STPG2: variants seen among roughly 807,000 people sequenced by gnomAD.
STPG2 encodes the protein sperm-tail PG-rich repeat-containing protein 2.
A neutral mutation model predicts 54.2 loss-of-function variants in STPG2; 56 were observed. That is an observed-to-expected ratio of 1.03 (90% CI 0.83 to 1.29). STPG2 has a LOEUF of 1.29. Ranked by LOEUF, STPG2 falls within the 50% of genes most tolerant of loss-of-function variation. The pLI is 0.00. For missense variants in STPG2, 596 were observed against 544.9 expected (o/e 1.09, Z -0.93); for synonymous variants, 200 against 181.8 (o/e 1.10, Z -0.81).
At chr4:97,494,401 G>C (rs1159877835) in intron 4 of STPG2, among the ~76,000 whole-genome samples, 1 of 151,422 alleles carries the variant, frequency 6.6e-6, no homozygotes, top group East Asian at 2.0e-4. Context: ...TCAAAGAACT[G>C]AACTCACAAA....
chr4:97,953,977 G>C (rs1475082623), intron 7 of STPG2, among the ~76,000 whole-genome samples: 1 of 152,126 alleles, frequency 6.6e-6, no homozygotes, highest in African/African-American at 2.4e-5. Flanking sequence ...TTGGAAAAAA[G>C]AAACTACAAT....
chr4:97,939,123 T>C (rs1265915110), intron 8 of STPG2, among the ~76,000 whole-genome samples: 1 of 152,180 alleles, frequency 6.6e-6, no homozygotes, highest in Non-Finnish European at 1.5e-5. Context: ...TGATTTTGAG[T>C]GATTTTTTTA....
At chr4:97,562,598 T>C (rs1560661417) in intron 10 of STPG2, among the ~76,000 whole-genome samples, 1 of 152,218 alleles carries the variant, frequency 6.6e-6, no homozygotes, top group Non-Finnish European at 1.5e-5. Context: ...TAGCTGTTAT[T>C]ATTTTGAGAT....
chr4:97,865,602 C>CA (rs1178670937), intron 8 of STPG2, among the ~76,000 whole-genome samples: 4 of 149,582 alleles, frequency 2.7e-5, no homozygotes, highest in East Asian at 2.0e-4. Context: ...ATACCCAGGA[C>CA]AAAAAACCAA....
At chr4:97,729,976 T>C (rs1225894303) in intron 9 of STPG2, among the ~76,000 whole-genome samples, 1 of 152,228 alleles carries the variant, frequency 6.6e-6, no homozygotes. Context: ...TTCTCAGAGT[T>C]CCTTGGTGAA....
At chr4:98,105,535 G>A (rs2110140377) in intron 5 of STPG2, among the ~76,000 whole-genome samples, 1 of 152,230 alleles carries the variant, frequency 6.6e-6, no homozygotes, top group Admixed American at 6.5e-5. Context: ...TAACAGAAAT[G>A]GGACTGGGTC....
At chr4:97,462,585 T>C (rs1160127749) in intron 4 of STPG2, among the ~76,000 whole-genome samples, 2 of 152,072 alleles carry the variant, frequency 1.3e-5, no homozygotes, top group Non-Finnish European at 2.9e-5. Context: ...TTGTCAATAA[T>C]TTTTTGTAGT....
intron 10 of STPG2, among the ~76,000 whole-genome samples, chr4:97,616,529 T>TG (rs1733878311): frequency 6.6e-6 from 1 of 152,146 alleles, no homozygotes; most frequent in African/African-American, 2.4e-5. Flanking sequence ...AACATTCTCT[T>TG]GGAGACTAGG....
chr4:97,443,672 G>A (rs1167195038), intron 4 of STPG2, among the ~76,000 whole-genome samples: 4 of 152,050 alleles, frequency 2.6e-5, no homozygotes, highest in African/African-American at 9.7e-5. Flanking sequence ...ATCCCACACT[G>A]GAAAAGTAGG....
rs183771414 is a variant in STPG2 at position 97,520,439 on chromosome 4, G to A, written c.462+192260C>T. Among the ~76,000 whole-genome samples, 632 of 152,140 alleles carry A rather than the reference G, an allele frequency of 4.2e-3. 3 individuals are homozygous for A. Among genetic ancestry groups the A allele is most frequent in the South Asian group, 0.02 (98 of 4,828 alleles). ...GTACCAGTCTCTACTTGTGAACTCT[G>A]TATGATTAAGTGAACAAGTCAGAAA... On this transcript the variant is annotated intron_variant, in intron 4 of 4. Transcript: ENST00000522676.
At chr4:97,477,213 T>C (rs1436928935) in intron 4 of STPG2, among the ~76,000 whole-genome samples, 2 of 152,208 alleles carry the variant, frequency 1.3e-5, no homozygotes, top group African/African-American at 2.4e-5. Context: ...GTAGCTTATA[T>C]AGTAACTGTC....
intron 8 of STPG2, among the ~76,000 whole-genome samples, chr4:97,873,607 CAT>C (rs2149157491): frequency 6.8e-6 from 1 of 148,054 alleles, no homozygotes; most frequent in East Asian, 2.0e-4. Flanking sequence ...GAAGAAACAA[CAT>C]GTCAATGTGT....
chr4:97,781,018 AG>A (rs1403273260), intron 9 of STPG2, among the ~76,000 whole-genome samples: 14 of 152,202 alleles, frequency 9.2e-5, no homozygotes, highest in Non-Finnish European at 4.4e-5. Context: ...CAAAATTAAA[AG>A]AACTAGAGAA....
intron 4 of STPG2, among the ~76,000 whole-genome samples, chr4:97,478,391 C>A (rs1007109815): frequency 2.0e-5 from 3 of 151,996 alleles, no homozygotes; most frequent in African/African-American, 7.2e-5. Flanking sequence ...TTTACAGTGA[C>A]CTGATCATTT....
chr4:97,957,135 A>ATG, intron 7 of STPG2, among the ~76,000 whole-genome samples: 2 of 151,878 alleles, frequency 1.3e-5, no homozygotes, highest in African/African-American at 4.8e-5. Flanking sequence ...TGAAATATAT[A>ATG]TGAAATATAC....
At chr4:97,884,791 G>T (rs541724545) in intron 8 of STPG2, among the ~76,000 whole-genome samples, 30 of 152,014 alleles carry the variant, frequency 2.0e-4, no homozygotes, top group Admixed American at 3.9e-4. Flanking sequence ...CAAGGGAAGA[G>T]TTTTAAACAC....
At chr4:97,955,970 C>T (rs1160447636) in intron 7 of STPG2, among the ~76,000 whole-genome samples, 2 of 151,408 alleles carry the variant, frequency 1.3e-5, no homozygotes, top group African/African-American at 4.8e-5. Context: ...AGAAGAAATG[C>T]TAAAGGAAGT....
chr4:97,994,768 G>T (rs1175737250), intron 5 of STPG2, among the ~76,000 whole-genome samples: 1 of 152,128 alleles, frequency 6.6e-6, no homozygotes, highest in African/African-American at 2.4e-5. Context: ...CTGGTTTTGT[G>T]TTGGTCGGCC....
intron 9 of STPG2, among the ~76,000 whole-genome samples, chr4:97,746,349 T>C (rs536952845): frequency 6.6e-6 from 1 of 151,440 alleles, no homozygotes; most frequent in Non-Finnish European, 1.5e-5. Context: ...AAGCTAAAAG[T>C]ACTGAAAAAT....
Sources: gnomAD v4.1 joint callset for allele counts (sites outside exome capture counted in the v4.1 genomes callset) on GRCh38, gnomAD v4.1.1 for gene constraint, MANE v1.5 for transcripts, NCBI Gene and HGNC (gene_info 2026-07-23, HGNC 2026-07-21) for gene names.